Variants in ACADL observed in about 807,000 individuals in gnomAD.
ACADL encodes the protein long-chain specific acyl-CoA dehydrogenase, mitochondrial.
Under a neutral mutation model 56.9 loss-of-function variants are expected in ACADL, and 60 were observed. The ratio of observed to expected loss-of-function variants is 1.05; its 90% CI spans 0.86 to 1.31. The LOEUF is 1.31. Ranked by LOEUF, ACADL falls within the 50% of genes most tolerant of loss-of-function variation. The pLI, the probability that ACADL is intolerant of heterozygous loss-of-function variation, is 0.00. For synonymous variants in ACADL, 158 were observed against 179.7 expected (o/e 0.88, Z 0.97); for missense variants, 484 against 525.5 (o/e 0.92, Z 0.77).
In ACADL at chr2:210,203,216, C is replaced by T. The variant is rs552184859; in HGVS notation, c.984+115G>A. 4.0e-6 allele frequency: 3 copies of T among 751,416 alleles called. No homozygotes were observed. In the South Asian group the frequency reaches 4.5e-5, roughly 11 times the overall value. The allele number at this position is 751,416 out of a possible 1,614,324, so 46.5% of individuals were successfully genotyped here. ...CTCTCCTTAGTGATCTCATCCACTTCCATGGTTTCTAATATCACCTTACAT... is the reference window on the plus strand; with the variant it reads ...CTCTCCTTAGTGATCTCATCCACTTTCATGGTTTCTAATATCACCTTACAT... On this transcript the variant is annotated intron_variant, in intron 8 of 10. Coordinates refer to ENST00000233710, the MANE Select transcript of ACADL (RefSeq NM_001608.4).
intron 8 of ACADL, among the ~76,000 whole-genome samples, chr2:210,198,298 C>T (rs1688742126): frequency 1.3e-5 from 2 of 152,132 alleles, no homozygotes; most frequent in South Asian, 4.1e-4. Context: ...CAGTTGCTCT[C>T]ACATATTATG....
chr2:210,205,559 C>T, intron 6 of ACADL, 73 bp downstream of exon 6: 1 of 1,461,400 alleles, frequency 6.8e-7, no homozygotes, highest in African/African-American at 1.4e-5. Context: ...ACATGTAATC[C>T]TCTATGTAAG....
At chr2:210,195,184 G>A (rs375511796) in intron 9 of ACADL, 27 bp downstream of exon 9, 82 of 1,613,204 alleles carry the variant, frequency 5.1e-5, no homozygotes, top group Middle Eastern at 1.6e-4. Context: ...AGCACACACC[G>A]CACTCTAATT....
At chr2:210,203,296 T>C (rs1294291209) in intron 8 of ACADL, 35 bp downstream of exon 8, 1 of 1,407,022 alleles carries the variant, frequency 7.1e-7, no homozygotes, top group Admixed American at 1.7e-5. Flanking sequence ...AGTAAACTGA[T>C]ACCATCTAAT....
intron 4 of ACADL, 41 bp downstream of exon 4, chr2:210,216,305 CA>C: frequency 1.2e-6 from 2 of 1,606,922 alleles, no homozygotes; most frequent in South Asian, 2.2e-5. Flanking sequence ...AATGTTAAGG[CA>C]CTGCTTCCAA....
At position 210,205,613 on chromosome 2, in the gene ACADL, G is replaced by C; in HGVS notation, c.768+19C>G. On this transcript the variant is annotated intron_variant, in intron 6 of 10. Coordinates refer to ENST00000233710, the MANE Select transcript of ACADL (RefSeq NM_001608.4). ...GTAAACTCAATTAGTATCTGAATATGATTTACATTATCACTCACCTGGGCT... is the reference window on the plus strand; with the variant it reads ...GTAAACTCAATTAGTATCTGAATATCATTTACATTATCACTCACCTGGGCT... The C allele has an allele frequency of 1.9e-6, 3 of 1,611,470 alleles. No individual in the cohort carries two copies. Among genetic ancestry groups the C allele is most frequent in the Non-Finnish European group, 2.5e-6 (3 of 1,177,994 alleles).
intron 9 of ACADL, among the ~76,000 whole-genome samples, chr2:210,193,124 T>A (rs915526390): frequency 6.6e-6 from 1 of 152,214 alleles, no homozygotes; most frequent in Admixed American, 6.5e-5. Flanking sequence ...TAGGTTTTTG[T>A]TAGGCTAGAA....
At chr2:210,225,056 C>T (rs1003585608) in intron 1 of ACADL, 131 bp downstream of exon 1, 15 of 1,494,688 alleles carry the variant, frequency 1.0e-5, no homozygotes, top group Non-Finnish European at 1.2e-5. Flanking sequence ...AGCTCTAGCC[C>T]GGCGCCGGAG....
chr2:210,210,015 A>G, intron 5 of ACADL, 181 bp downstream of exon 5: 1 of 560,860 alleles, frequency 1.8e-6, no homozygotes, highest in South Asian at 2.1e-5. Flanking sequence ...GAAATATAGA[A>G]GAAGCTACCA....
At chr2:210,216,243 T>G in intron 4 of ACADL, 104 bp downstream of exon 4, 1 of 1,248,690 alleles carries the variant, frequency 8.0e-7, no homozygotes, top group Non-Finnish European at 1.2e-6. Flanking sequence ...TGTTCATCTT[T>G]GCCTTCCTCC....
At chr2:210,214,137 G>A (rs1689034746) in intron 4 of ACADL, among the ~76,000 whole-genome samples, 1 of 152,182 alleles carries the variant, frequency 6.6e-6, no homozygotes, top group African/African-American at 2.4e-5. Context: ...GAAAGGGCCA[G>A]TGAAACTCTG....
chr2:210,195,105 T>C (rs1221202903), intron 9 of ACADL, 106 bp downstream of exon 9: 1 of 1,449,078 alleles, frequency 6.9e-7, no homozygotes, highest in African/African-American at 1.4e-5. Flanking sequence ...TTATTTTTCA[T>C]TTCACAGATT....
chr2:210,195,094 T>C (rs1688685835), intron 9 of ACADL, 117 bp downstream of exon 9: 2 of 1,385,822 alleles, frequency 1.4e-6, no homozygotes, highest in Admixed American at 3.7e-5. Context: ...GAGTCTCACT[T>C]TTATTTTTCA....
rs1688576221 is a variant in ACADL, at chr2:210,188,150, C to A, written c.*811G>T. 1 of 152,150 alleles carries A rather than the reference C, an allele frequency of 6.6e-6. No individual in the cohort carries two copies. The highest frequency in any genetic ancestry group is 6.5e-5 in the Admixed American group (1 of 15,270). 9.4% of individuals were successfully genotyped at this position (152,150 alleles called of 1,614,324 possible). On this transcript the variant is annotated 3_prime_UTR_variant, in exon 11 of 11. Transcript: ENST00000233710. Reference sequence around the variant, plus strand: ...TGTTTGTCATCATTGTATTAACAGCCTGGTTTATAGAAGACATAAAGTAAT... The same window carrying A: ...TGTTTGTCATCATTGTATTAACAGCATGGTTTATAGAAGACATAAAGTAAT...
rs1575668423 is a variant in ACADL, at chr2:210,188,135, CATT to C, written c.*823_*825del. ...TGATCTTGCCAGTTTTGTTTGTCAT[CATT>C]GTATTAACAGCCTGGTTTATAGAAG... is the stretch of plus-strand genomic sequence containing the variant. On this transcript the variant is annotated 3_prime_UTR_variant, in exon 11 of 11. Transcript: ENST00000233710. The C allele has an allele frequency of 1.3e-5, 2 of 152,084 alleles. No homozygotes were observed. Among genetic ancestry groups the C allele is most frequent in the East Asian group, 1.9e-4 (1 of 5,192 alleles). The allele number at this position is 152,084 out of a possible 1,614,324, so 9.4% of individuals were successfully genotyped here.
Position 210,220,800 on chromosome 2 carries a change from C to A in ACADL, c.80G>T (p.Cys27Phe). 1 of 1,595,970 alleles carries A rather than the reference C, an allele frequency of 6.3e-7. No homozygotes were observed. The highest frequency in any genetic ancestry group is 2.1e-4 in the Middle Eastern group (1 of 4,668). Residue 27 changes from cysteine to phenylalanine, a missense_variant and splice_region_variant, in exon 2 of 11, where the codon TGT (cysteine) becomes TTT (phenylalanine). Coordinates refer to ENST00000233710, the MANE Select transcript of ACADL (RefSeq NM_001608.4). Reference protein sequence around the residue: ...RAPRQLPAARCSHSGGEERLE... With the variant: ...RAPRQLPAARFSHSGGEERLE... ...ACGTTCTTCCCCTCCGGAATGAGAACATCTTAAAAATATATATATGCAATA... is the reference window on the plus strand; with the variant it reads ...ACGTTCTTCCCCTCCGGAATGAGAAAATCTTAAAAATATATATATGCAATA...
At chr2:210,204,451 A>C in intron 7 of ACADL, 130 bp downstream of exon 7, 3 of 714,858 alleles carry the variant, frequency 4.2e-6, no homozygotes, top group Non-Finnish European at 7.2e-6. Context: ...TTTAATACTC[A>C]AATGATTAGC....
At chr2:210,223,438 A>G (rs1328128347) in intron 1 of ACADL, among the ~76,000 whole-genome samples, 4 of 152,118 alleles carry the variant, frequency 2.6e-5, no homozygotes, top group Non-Finnish European at 5.9e-5. Flanking sequence ...TAAATACACA[A>G]TCTCAGGCCC....
intron 2 of ACADL, among the ~76,000 whole-genome samples, chr2:210,218,973 G>A (rs1229509886): frequency 4.6e-5 from 7 of 152,136 alleles, no homozygotes; most frequent in African/African-American, 1.7e-4. Flanking sequence ...AATGAGAATG[G>A]CAGAATGAGG....
Sources: gnomAD v4.1 joint callset for allele counts (sites outside exome capture counted in the v4.1 genomes callset) on GRCh38, gnomAD v4.1.1 for gene constraint, MANE v1.5 for transcripts, NCBI Gene and HGNC (gene_info 2026-07-23, HGNC 2026-07-21) for gene names.